The following KCTD9 variants were observed in gnomAD, a reference collection of about 807,000 sequenced individuals.
The protein encoded by KCTD9 is BTB/POZ domain-containing protein KCTD9.
KCTD9 carries 17 observed loss-of-function variants against 53.3 expected under a neutral mutation model. The ratio of observed to expected loss-of-function variants is 0.32; its 90% CI spans 0.22 to 0.48. The LOEUF is 0.48. Ranked by LOEUF, KCTD9 falls within the 20% of genes least tolerant of loss-of-function variation. The pLI, the probability that KCTD9 is intolerant of heterozygous loss-of-function variation, is 0.99. For missense variants in KCTD9, 179 were observed against 465.5 expected (o/e 0.38, Z 5.66); for synonymous variants, 128 against 162.7 (o/e 0.79, Z 1.62).
chr8:25,446,504 C>T (rs10503771), intron 1 of KCTD9, among the ~76,000 whole-genome samples: 9,407 of 152,058 alleles, frequency 0.062, 372 homozygotes, highest in South Asian at 0.1. Flanking sequence ...TGTTAAATAG[C>T]GCTCCAGTTG....
At chr8:25,442,999 A>G (rs1445211320) in intron 3 of KCTD9, among the ~76,000 whole-genome samples, 3 of 152,164 alleles carry the variant, frequency 2.0e-5, no homozygotes, top group Non-Finnish European at 4.4e-5. Context: ...GGATAAGTAA[A>G]AACCTTATAA....
chr8:25,455,309 G>A (rs1007270663), intron 1 of KCTD9, among the ~76,000 whole-genome samples: 1 of 152,088 alleles, frequency 6.6e-6, no homozygotes, highest in South Asian at 2.1e-4. Flanking sequence ...AAAAAAATCT[G>A]AAGCCATTTG....
At position 25,451,286 on chromosome 8, in the gene KCTD9, G is replaced by A. The variant is rs576555128; in HGVS notation, c.49-5036C>T. 6.6e-5 allele frequency among the ~76,000 whole-genome samples: 10 copies of A among 152,190 alleles called. No individual in the cohort carries two copies. The South Asian group carries it at 8.3e-4, about 13-fold the overall frequency. ...CATATGGAAAAGATGATTAAGTTAC[G>A]GAGAAAGTTGCAAACAGACTGGCAC... is the stretch of plus-strand genomic sequence containing the variant. On this transcript the variant is annotated intron_variant, in intron 1 of 11. Transcript: ENST00000221200.
intron 1 of KCTD9, among the ~76,000 whole-genome samples, chr8:25,449,473 T>C (rs1299577783): frequency 1.3e-5 from 2 of 152,180 alleles, no homozygotes; most frequent in African/African-American, 2.4e-5. Flanking sequence ...TAATACTTAA[T>C]GTAATATTAT....
intron 1 of KCTD9, among the ~76,000 whole-genome samples, chr8:25,450,123 T>C (rs1230055709): frequency 6.6e-6 from 1 of 152,248 alleles, no homozygotes; most frequent in Non-Finnish European, 1.5e-5. Flanking sequence ...ATAAATTGAA[T>C]TCAACTTTTA....
chr8:25,458,242 C>T lies in KCTD9; in HGVS notation c.5G>A (p.Arg2Lys), dbSNP rs759688690. 9 of 1,610,288 alleles carry T rather than the reference C, an allele frequency of 5.6e-6. No individual in the cohort carries two copies. The highest frequency in any genetic ancestry group is 4.4e-5 in the South Asian group (4 of 90,918). ...GCCGTTCAGGAACAGGGTCACCCGC[C>T]TCATCGCGCTGCCCCCGCTGGGTCC... Reference protein sequence around the residue: MRRVTLFLNGSP... With the variant: MKRVTLFLNGSP... The change falls in exon 1 of 12, where the codon AGG becomes AAG. Residue 2 changes from arginine to lysine, a missense_variant. By Grantham distance (26) the Arg-to-Lys change is conservative. Coordinates refer to ENST00000221200, the MANE Select transcript of KCTD9 (RefSeq NM_017634.4).
chr8:25,434,560 C>A (rs996033283), intron 9 of KCTD9, among the ~76,000 whole-genome samples: 1 of 151,942 alleles, frequency 6.6e-6, no homozygotes, highest in Non-Finnish European at 1.5e-5. Flanking sequence ...ACTAACCTGA[C>A]CCTTCATGAT....
In KCTD9 at chr8:25,440,685, A is replaced by G. The variant is rs79392441; in HGVS notation, c.215-12T>C. The G allele has an allele frequency of 2.3e-4, 355 of 1,528,924 alleles. 1 individual carries two copies. In the East Asian group the frequency reaches 7.7e-3, roughly 33 times the overall value. The allele number at this position is 1,528,924 out of a possible 1,614,324, so 94.7% of individuals were successfully genotyped here. A position where few individuals can be genotyped will look rare whatever the true frequency, so the allele number is the denominator to read the frequency against. On this transcript the variant is annotated splice_polypyrimidine_tract_variant and intron_variant, in intron 3 of 11. Coordinates refer to ENST00000221200, the MANE Select transcript of KCTD9 (RefSeq NM_017634.4). ...ATCTGTCTGAGGATCTAGAGATGACATGTAGAAAATAATACAAATATTAAG... is the reference window on the plus strand; with the variant it reads ...ATCTGTCTGAGGATCTAGAGATGACGTGTAGAAAATAATACAAATATTAAG...
At chr8:25,444,254 T>TC (rs754745319) in intron 3 of KCTD9, 38 bp downstream of exon 3, 4 of 1,466,376 alleles carry the variant, frequency 2.7e-6, no homozygotes, top group African/African-American at 1.5e-5. Flanking sequence ...TTTTTTTTTT[T>TC]TTTTTGGCAG....
At chr8:25,454,754 T>C (rs1177921427) in intron 1 of KCTD9, among the ~76,000 whole-genome samples, 1 of 152,246 alleles carries the variant, frequency 6.6e-6, no homozygotes, top group Non-Finnish European at 1.5e-5. Flanking sequence ...CTTTTGGGCA[T>C]GTACTCAAAC....
chr8:25,447,112 G>A (rs1418040906), intron 1 of KCTD9, among the ~76,000 whole-genome samples: 1 of 152,180 alleles, frequency 6.6e-6, no homozygotes, highest in African/African-American at 2.4e-5. Flanking sequence ...ACTAGGTAAG[G>A]GTCGGGCGCA....
chr8:25,454,901 T>C (rs1802402119), intron 1 of KCTD9, among the ~76,000 whole-genome samples: 1 of 152,228 alleles, frequency 6.6e-6, no homozygotes, highest in African/African-American at 2.4e-5. Context: ...TTAAATTTAG[T>C]GAAATTCTGC....
chr8:25,429,737 TG>T lies in KCTD9; in HGVS notation c.*119del. ...CTCAAAACAAGCATAATCCTCTAAA[TG>T]TTTTTTTTTTAAATTTCCTTACAGT... On this transcript the variant is annotated 3_prime_UTR_variant, in exon 12 of 12. Transcript: ENST00000221200. 1 of 671,072 alleles carries T rather than the reference TG, an allele frequency of 1.5e-6. No individual in the cohort carries two copies. The highest frequency in any genetic ancestry group is 2.7e-6 in the Non-Finnish European group (1 of 369,386). The allele number at this position is 671,072 out of a possible 1,614,324, so 41.6% of individuals were successfully genotyped here. A position where few individuals can be genotyped will look rare whatever the true frequency, so the allele number is the denominator to read the frequency against.
chr8:25,450,476 CT>C, intron 1 of KCTD9: 1 of 979,220 alleles, frequency 1.0e-6, no homozygotes, highest in Non-Finnish European at 1.2e-6. Context: ...ATTTAAGTCT[CT>C]TACACTGTCA....
chr8:25,435,633 T>G, intron 8 of KCTD9, 121 bp from the exon 9 acceptor site: 1 of 735,742 alleles, frequency 1.4e-6, no homozygotes, highest in Non-Finnish European at 2.2e-6. Flanking sequence ...CACTTGGAGT[T>G]TATTACAGAA....
chr8:25,458,413 C>T lies in KCTD9; in HGVS notation c.-167G>A, dbSNP rs1586448149. ...CCACACGCACGCACTCTGTCCCACA[C>T]CCAAGGTTCGGCCGGTCCTCCTTCC... On this transcript the variant is annotated 5_prime_UTR_variant, in exon 1 of 12. In the 5' UTR this introduces an upstream ATG that the reference lacks. Coordinates refer to ENST00000221200, the MANE Select transcript of KCTD9 (RefSeq NM_017634.4). 1 of 762,158 alleles carries T rather than the reference C, an allele frequency of 1.3e-6. No homozygotes were observed. Among genetic ancestry groups the T allele is most frequent in the Non-Finnish European group, 2.2e-6 (1 of 455,810 alleles). 47.2% of individuals were successfully genotyped at this position (762,158 alleles called of 1,614,324 possible). A position where few individuals can be genotyped will look rare whatever the true frequency, so the allele number is the denominator to read the frequency against.
chr8:25,444,242 T>TC, intron 3 of KCTD9, 50 bp downstream of exon 3: 1 of 1,131,442 alleles, frequency 8.8e-7, no homozygotes, highest in East Asian at 2.6e-5. Flanking sequence ...TGTCATTCCA[T>TC]CTTTTTTTTT....
intron 1 of KCTD9, among the ~76,000 whole-genome samples, chr8:25,449,293 C>A (rs1802274404): frequency 6.6e-6 from 1 of 152,186 alleles, no homozygotes; most frequent in African/African-American, 2.4e-5. Flanking sequence ...CTAAATCTTT[C>A]TTTTCCCTCT....
At chr8:25,445,318 G>A (rs565722485) in intron 2 of KCTD9, among the ~76,000 whole-genome samples, 262 of 152,242 alleles carry the variant, frequency 1.7e-3, no homozygotes, top group Middle Eastern at 3.4e-3. Context: ...TCTGTAAAAT[G>A]AAGGGTCTAG....
Sources: allele counts gnomAD v4.1 joint callset (sites outside exome capture counted in the v4.1 genomes callset), GRCh38; gene constraint gnomAD v4.1.1; transcripts MANE v1.5; gene names NCBI Gene and HGNC (gene_info 2026-07-23, HGNC 2026-07-21).